MYOM3: variants seen among roughly 807,000 people sequenced by gnomAD.
MYOM3 encodes the protein myomesin-3.
MYOM3 carries 155 observed loss-of-function variants against 191.7 expected under a neutral mutation model. That is an observed-to-expected ratio of 0.81 (90% CI 0.71 to 0.92). The LOEUF is 0.92. MYOM3 is among the 40% of genes least tolerant of loss of function. The pLI, the probability that MYOM3 is intolerant of heterozygous loss-of-function variation, is 0.00. For synonymous variants in MYOM3, 757 were observed against 762.9 expected (o/e 0.99, Z 0.13); for missense variants, 1,889 against 1,890.6 (o/e 1.00, Z 0.02).
chr1:24,095,319 C>G, intron 8 of MYOM3, 123 bp downstream of exon 8: 2 of 993,830 alleles, frequency 2.0e-6, no homozygotes, highest in South Asian at 1.6e-5. Flanking sequence ...AGCTCATAGA[C>G]AAACCCCGGT....
Position 24,061,960 on chromosome 1 carries a change from T to C in MYOM3, c.3920A>G (p.Asp1307Gly). 1 of 1,614,148 alleles carries C rather than the reference T, an allele frequency of 6.2e-7. No individual in the cohort carries two copies. The highest frequency in any genetic ancestry group is 1.1e-5 in the South Asian group (1 of 91,062). ...GGATGGCTCACCTTGCCCTGAGAGA[T>C]CTGTTGAGAGCTGCCGGACTTCCTT... The part of the protein sequence containing the change: ...AGKEVRQLST[D>G]LSGQAFEDAM... Residue 1307 changes from aspartate to glycine, a missense_variant, in exon 33 of 37, where the codon GAT (aspartate) becomes GGT (glycine). Physicochemically the swap from Asp to Gly is moderately conservative, Grantham distance 94 (BLOSUM62 -1). Coordinates refer to ENST00000374434, the MANE Select transcript of MYOM3 (RefSeq NM_152372.4).
Position 24,089,537 on chromosome 1 carries a change from C to A in MYOM3, c.1614+1G>T. ...GGGGCTGGGGCCTCGGGGTTCCCTA[C>A]CTTCTCCAGGGAGTACGTCAGTGGT... On this transcript the variant is annotated splice_donor_variant, in intron 14 of 36. Transcript: ENST00000374434. LOFTEE classifies it high-confidence loss of function. 1 of 1,597,226 alleles carries A rather than the reference C, an allele frequency of 6.3e-7. No homozygotes were observed. Among genetic ancestry groups the A allele is most frequent in the Non-Finnish European group, 8.5e-7 (1 of 1,172,026 alleles).
At chr1:24,074,770 C>T (rs79641395) in intron 22 of MYOM3, among the ~76,000 whole-genome samples, 4,059 of 152,286 alleles carry the variant, frequency 0.027, 81 homozygotes, top group Non-Finnish European at 0.039. Flanking sequence ...CAATTCCCTA[C>T]AGAAAAGGAA....
chr1:24,082,427 T>C (rs970343872), intron 17 of MYOM3, 166 bp downstream of exon 17: 81 of 1,072,018 alleles, frequency 7.6e-5, no homozygotes, highest in Non-Finnish European at 1.0e-4. Context: ...AAGCCATGGT[T>C]ACTTCCTTCC....
chr1:24,099,338 CA>C (rs1405468636), intron 6 of MYOM3, among the ~76,000 whole-genome samples: 1 of 152,228 alleles, frequency 6.6e-6, no homozygotes, highest in African/African-American at 2.4e-5. Context: ...TTCTCTCCCC[CA>C]CAAGGAGCCT....
chr1:24,093,797 G>A (rs1282419883), intron 9 of MYOM3, among the ~76,000 whole-genome samples: 2 of 152,178 alleles, frequency 1.3e-5, no homozygotes, highest in Non-Finnish European at 2.9e-5. Context: ...CAGGGATCCT[G>A]ATGGCTCCCA....
intron 15 of MYOM3, among the ~76,000 whole-genome samples, chr1:24,086,395 A>C (rs4649180): frequency 6.6e-6 from 1 of 152,030 alleles, no homozygotes; most frequent in Admixed American, 6.5e-5. Flanking sequence ...CCAGCTGTGC[A>C]CTCTAACCCA....
intron 5 of MYOM3, among the ~76,000 whole-genome samples, chr1:24,103,250 G>A (rs114828497): frequency 0.016 from 2,380 of 152,348 alleles, 63 homozygotes; most frequent in African/African-American, 0.055. Flanking sequence ...AGCGCTGGGA[G>A]CAGTCCTCCT....
In MYOM3 at chr1:24,065,808, C is replaced by G. The variant is rs753826513; in HGVS notation, c.3534+83G>C. 4 of 1,075,474 alleles carry G rather than the reference C, an allele frequency of 3.7e-6. No homozygotes were observed. The South Asian group carries it at 5.0e-5, about 13-fold the overall frequency. 66.6% of individuals were successfully genotyped at this position (1,075,474 alleles called of 1,614,324 possible). A position where few individuals can be genotyped will look rare whatever the true frequency, so the allele number is the denominator to read the frequency against. On this transcript the variant is annotated intron_variant, in intron 29 of 36. Transcript: ENST00000374434. ...GCATCAACCTAGCCTCGGCCCTGCC[C>G]TGACTCCCAGCCCAGAGCTCTTGGC...
intron 29 of MYOM3, among the ~76,000 whole-genome samples, chr1:24,065,371 G>A (rs928013733): frequency 1.3e-5 from 2 of 152,200 alleles, no homozygotes; most frequent in African/African-American, 4.8e-5. Flanking sequence ...ACCAGGCCAC[G>A]GTCCACCAAA....
Position 24,067,077 on chromosome 1 carries a change from C to A in MYOM3, c.3367G>T (p.Glu1123Ter). The A allele has an allele frequency of 6.3e-7, 1 of 1,575,282 alleles. No individual in the cohort carries two copies. Among genetic ancestry groups the A allele is most frequent in the Non-Finnish European group, 8.6e-7 (1 of 1,158,168 alleles). ...DWKRKQGPYF[E>*]RPLQWKVTED... ...GTGACCTTCCACTGCAACGGCCGCTCAAAATAGGGACCTGTGCGTGCAAAA... is the reference window on the plus strand; with the variant it reads ...GTGACCTTCCACTGCAACGGCCGCTAAAAATAGGGACCTGTGCGTGCAAAA... The change falls in exon 28 of 37, where the codon GAG (glutamate) becomes TAG (stop). Residue 1123 changes from glutamate (E) to a stop codon, truncating the protein, a stop_gained. Coordinates refer to ENST00000374434, the MANE Select transcript of MYOM3 (RefSeq NM_152372.4). LOFTEE classifies it high-confidence loss of function.
In MYOM3 at chr1:24,065,942, T is replaced by C. The variant is rs749797157; in HGVS notation, c.3483A>G (p.Pro1161=). 1 of 1,614,218 alleles carries C rather than the reference T, an allele frequency of 6.2e-7. No homozygotes were observed. ...CCGTCTCTGGGTCATACTGACCATC[T>C]GGCATCTCTGCCCTCTGGAAGAACC... ...FQWFFQRAEM[P]DGQYDPETGT... is the part of the protein sequence containing the mutation. The change falls in exon 29 of 37, where the codon CCA becomes CCG. Residue 1161 remains proline, a synonymous_variant. Transcript: ENST00000374434.
Position 24,063,141 on chromosome 1 carries a change from G to A in MYOM3, c.3755C>T (p.Thr1252Ile). 6.2e-7 allele frequency: 1 copy of A among 1,610,278 alleles called. No homozygotes were observed. The highest frequency in any genetic ancestry group is 8.5e-7 in the Non-Finnish European group (1 of 1,176,746). ...VKYYNVEYMK[T>I]TWFHKDKRLE... The stretch of plus-strand genomic sequence containing the variant: ...GCGGACTTACTTGTGGAACCAGGTG[G>A]TTTTCATGTACTCCACGTTGTAGTA... Residue 1252 changes from threonine (T) to isoleucine (I), a missense_variant, in exon 32 of 37, where the codon ACC becomes ATC. Thr to Ile is a moderately conservative substitution (Grantham distance 89, BLOSUM62 -1). Transcript: ENST00000374434. This position sits in a 1 kb window ranked among gnomAD's most constrained non-coding sequence, Gnocchi z 4.5.
chr1:24,072,281 G>A (rs1476973046), intron 23 of MYOM3, among the ~76,000 whole-genome samples: 1 of 152,060 alleles, frequency 6.6e-6, no homozygotes, highest in Non-Finnish European at 1.5e-5. Flanking sequence ...ATCAAGTCTC[G>A]CCTCCCTAGA....
rs1643677931 is a variant in MYOM3 at position 24,082,139 on chromosome 1, A to G, written c.2142T>C (p.Asn714=). Residue 714 remains asparagine, a synonymous_variant, in exon 18 of 37, where the codon AAT becomes AAC. Transcript: ENST00000374434. ...YGFALLNCGK[N]EMVIGWKPPK... is the part of the protein sequence containing the mutation. ...GGGGTTTCCACCCAATGACCATTTCATTCTTCCCGCAGTTCAGGAGGGCAA... is the reference window on the plus strand; with the variant it reads ...GGGGTTTCCACCCAATGACCATTTCGTTCTTCCCGCAGTTCAGGAGGGCAA... 1.2e-6 allele frequency: 2 copies of G among 1,613,416 alleles called. No individual in the cohort carries two copies. The highest frequency in any genetic ancestry group is 2.7e-5 in the African/African-American group (2 of 74,872).
rs1310700326 is a variant in MYOM3 at position 24,071,219 on chromosome 1, G to A, written c.3048C>T (p.Ile1016=). The change falls in exon 25 of 37, where the codon ATC becomes ATT. Residue 1016 remains isoleucine (I), a synonymous_variant. Coordinates refer to ENST00000374434, the MANE Select transcript of MYOM3 (RefSeq NM_152372.4). The stretch of plus-strand genomic sequence containing the variant: ...AAAGCCGCACCTCCCCTCGCTCCAG[G>A]ATGTCAATGTTCCAGCCGGAGATCA... ...IKLISGWNID[I]LERGEVRLWL... 1 of 1,613,712 alleles carries A rather than the reference G, an allele frequency of 6.2e-7. No individual in the cohort carries two copies. The highest frequency in any genetic ancestry group is 8.5e-7 in the Non-Finnish European group (1 of 1,179,896).
chr1:24,108,329 T>TC, intron 2 of MYOM3, 147 bp downstream of exon 2: 2 of 912,794 alleles, frequency 2.2e-6, no homozygotes, highest in East Asian at 2.9e-5. Flanking sequence ...CAATTGTGTC[T>TC]CCCCCCTCAG....
At chr1:24,065,758 A>C (rs1316822393) in intron 29 of MYOM3, 133 bp downstream of exon 29, 2 of 750,194 alleles carry the variant, frequency 2.7e-6, no homozygotes, top group Admixed American at 3.8e-5. Context: ...GGTGCCTCTT[A>C]AATTTTGTGC....
intron 15 of MYOM3, among the ~76,000 whole-genome samples, chr1:24,085,844 T>A (rs141148653): frequency 6.6e-6 from 1 of 152,292 alleles, no homozygotes; most frequent in African/African-American, 2.4e-5. Context: ...TGTGTGTGTG[T>A]GTGCGCGTGT....
Sources: allele counts gnomAD v4.1 joint callset (sites outside exome capture counted in the v4.1 genomes callset), GRCh38; gene constraint gnomAD v4.1.1; non-coding constraint Gnocchi (gnomAD v3.1); transcripts MANE v1.5; gene names NCBI Gene and HGNC (gene_info 2026-07-23, HGNC 2026-07-21).